The following SDF4 variants were observed in gnomAD, a reference collection of about 807,000 sequenced individuals.
SDF4 encodes the protein stromal cell derived factor 4.
SDF4 carries 22 observed loss-of-function variants against 34.2 expected under a neutral mutation model. The ratio of observed to expected loss-of-function variants is 0.64; its 90% CI spans 0.46 to 0.92. SDF4 has a LOEUF of 0.92. Among genes scored for constraint, SDF4 ranks in the 40% least tolerant of loss-of-function variants. SDF4 has a pLI of 0.00. For missense variants in SDF4, 447 were observed against 499.9 expected, an observed-to-expected ratio of 0.89 and a Z score of 1.01; for synonymous variants, 236 against 203.1, an observed-to-expected ratio of 1.16 and a Z score of -1.38.
chr1:1,219,917 C>G (rs1370875402), intron 4 of SDF4: 7 of 967,854 alleles, frequency 7.2e-6, no homozygotes, highest in African/African-American at 3.9e-5. Context: ...CATCTTATCC[C>G]TTTCTGAACA....
At position 1,217,410 on chromosome 1, in the gene SDF4, C is replaced by A; in HGVS notation, c.*102G>T. On this transcript the variant is annotated 3_prime_UTR_variant, in exon 7 of 7. Coordinates refer to ENST00000360001, the MANE Select transcript of SDF4 (RefSeq NM_016176.6). This position sits in a 1 kb window ranked among gnomAD's most constrained non-coding sequence, Gnocchi z 8.5. ...CCGCGGTCGGTCGGCCGGTGGCGGGCGGCAGGGAAGAGGTGGGGTCCGGGA... is the reference window on the plus strand; with the variant it reads ...CCGCGGTCGGTCGGCCGGTGGCGGGAGGCAGGGAAGAGGTGGGGTCCGGGA... 1 of 1,051,556 alleles carries A rather than the reference C, an allele frequency of 9.5e-7. No individual in the cohort carries two copies. Among genetic ancestry groups the A allele is most frequent in the Non-Finnish European group, 1.2e-6 (1 of 814,520 alleles). The allele number at this position is 1,051,556 out of a possible 1,614,324, so 65.1% of individuals were successfully genotyped here. A position where few individuals can be genotyped will look rare whatever the true frequency, so the allele number is the denominator to read the frequency against.
rs1380132669 is a variant in SDF4 at position 1,217,836 on chromosome 1, T to C, written c.892-148A>G. ...GGTTCCCGAAGGGAGGCGGCACAAA[T>C]GAAAACACAGGGCAGGGAGAAGCCG... On this transcript the variant is annotated intron_variant, in intron 6 of 6. Transcript: ENST00000360001. The surrounding 1 kb of genome is among the most constrained non-coding windows in gnomAD (Gnocchi z 8.5). 2.0e-6 allele frequency: 3 copies of C among 1,536,866 alleles called. No homozygotes were observed. The highest frequency in any genetic ancestry group is 2.6e-6 in the Non-Finnish European group (3 of 1,146,892).
chr1:1,223,294 T>G lies in SDF4; in HGVS notation c.506A>C (p.Glu169Ala). Reference protein sequence around the residue: ...FLASKGHSEKEVADAIRLNEE... With the variant: ...FLASKGHSEKAVADAIRLNEE... ...GTTGAGCCTGATGGCGTCGGCAACC[T>G]CCTTCTCGCTATGGCCTTTACTCGC... Residue 169 changes from glutamate to alanine, a missense_variant, in exon 4 of 7, where the codon GAG becomes GCG. Coordinates refer to ENST00000360001, the MANE Select transcript of SDF4 (RefSeq NM_016176.6). 1 of 1,614,080 alleles carries G rather than the reference T, an allele frequency of 6.2e-7. No homozygotes were observed. The highest frequency in any genetic ancestry group is 8.5e-7 in the Non-Finnish European group (1 of 1,179,994).
Position 1,228,481 on chromosome 1 carries a change from C to G in SDF4, c.292G>C (p.Val98Leu), listed in dbSNP as rs773888314. 8 of 1,604,808 alleles carry G rather than the reference C, an allele frequency of 5.0e-6. No individual in the cohort carries two copies. Among genetic ancestry groups the G allele is most frequent in the Non-Finnish European group, 6.8e-6 (8 of 1,174,278 alleles). The change falls in exon 2 of 7, where the codon GTC becomes CTC. Residue 98 changes from valine to leucine, a missense_variant. Physicochemically the swap from Val to Leu is conservative, Grantham distance 32. Transcript: ENST00000360001. ...EPRRSRRKLM[V>L]IFSKVDVNTD... ...GGCGGCACCTACTTGGAAAAGATGACCATCAGCTTCCTCCGGCTCCGCCGC... is the reference window on the plus strand; with the variant it reads ...GGCGGCACCTACTTGGAAAAGATGAGCATCAGCTTCCTCCGGCTCCGCCGC...
rs374754529 is a variant in SDF4 at position 1,228,761 on chromosome 1, C to T, written c.12G>A (p.Arg4=). MAS[R]WGPLIGLAPC... ...GAGCCAGGCCAATGAGGGGACCCCA[C>T]CTGGACGCCATCGCCACCCAGGGCC... Residue 4 remains arginine (R), a synonymous_variant, in exon 2 of 7, where the codon AGG becomes AGA. Transcript: ENST00000360001. The T allele has an allele frequency of 1.2e-6, 2 of 1,609,522 alleles. No homozygotes were observed. Among genetic ancestry groups the T allele is most frequent in the Non-Finnish European group, 8.5e-7 (1 of 1,179,220 alleles).
At chr1:1,223,144 ACT>A (rs769236404) in intron 4 of SDF4, 98 bp downstream of exon 4, 42 of 838,588 alleles carry the variant, frequency 5.0e-5, no homozygotes, top group Non-Finnish European at 7.7e-5. Flanking sequence ...CGCACGGCAC[ACT>A]CATACACGAC....
chr1:1,217,693 G>C lies in SDF4; in HGVS notation c.892-5C>G, dbSNP rs199825378. ...GTTCATGGGGTCCATGTAGCTCTGC[G>C]GGCGAGCGGGGCACAGGTCAGCGTC... is the stretch of plus-strand genomic sequence containing the variant. On this transcript the variant is annotated splice_polypyrimidine_tract_variant and splice_region_variant and intron_variant, in intron 6 of 6. Transcript: ENST00000360001. The surrounding 1 kb of genome is among the most constrained non-coding windows in gnomAD (Gnocchi z 8.5). 6.2e-7 allele frequency: 1 copy of C among 1,613,602 alleles called. No individual in the cohort carries two copies.
At chr1:1,220,139 C>T (rs1649837965) in intron 4 of SDF4, 1 of 987,718 alleles carries the variant, frequency 1.0e-6, no homozygotes, top group South Asian at 4.6e-5. Flanking sequence ...GCCGCCGAGC[C>T]CCAGCACCAA....
intron 3 of SDF4, 132 bp downstream of exon 3, chr1:1,223,700 G>A (rs1301538192): frequency 9.2e-6 from 8 of 865,692 alleles, no homozygotes; most frequent in African/African-American, 3.4e-5. Flanking sequence ...ACCACACCTC[G>A]GGGTCTCCGG....
At chr1:1,219,064 CG>C in intron 4 of SDF4, 137 bp from the exon 5 acceptor site, 2 of 1,572,856 alleles carry the variant, frequency 1.3e-6, no homozygotes, top group South Asian at 2.3e-5. Context: ...AGGATTCACA[CG>C]TCCCCAGAAC....
chr1:1,222,108 C>T (rs1649999829), intron 4 of SDF4, among the ~76,000 whole-genome samples: 1 of 152,250 alleles, frequency 6.6e-6, no homozygotes, highest in Non-Finnish European at 1.5e-5. Flanking sequence ...ACACGGGCGC[C>T]CTGCAGGGCA....
intron 1 of SDF4, among the ~76,000 whole-genome samples, chr1:1,230,669 G>A (rs1012168091): frequency 1.3e-5 from 2 of 152,140 alleles, no homozygotes; most frequent in African/African-American, 4.8e-5. Context: ...ATGTTGGCCA[G>A]GCTGGTCTCT....
Position 1,218,821 on chromosome 1 carries a change from C to G in SDF4, c.663G>C (p.Glu221Asp). 6.2e-7 allele frequency: 1 copy of G among 1,605,888 alleles called. No homozygotes were observed. Among genetic ancestry groups the G allele is most frequent in the Non-Finnish European group, 8.5e-7 (1 of 1,174,428 alleles). Residue 221 changes from glutamate to aspartate, a missense_variant, in exon 5 of 7, where the codon GAG becomes GAC. Coordinates refer to ENST00000360001, the MANE Select transcript of SDF4 (RefSeq NM_016176.6). The surrounding 1 kb of genome is among the most constrained non-coding windows in gnomAD (Gnocchi z 7.9). ...EEEFLSFLHP[E>D]HSRGMLRFMV... ...TGAACCTGAGCATTCCCCGGCTGTG[C>G]TCGGGGTGGAGGAACGACAGGAACT...
At chr1:1,229,030 C>T (rs1433917271) in intron 1 of SDF4, 84 bp from the exon 2 acceptor site, 6 of 555,936 alleles carry the variant, frequency 1.1e-5, no homozygotes, top group Non-Finnish European at 1.9e-5. Flanking sequence ...GAAACATATC[C>T]TCGATTCACA....
chr1:1,228,764 G>A lies in SDF4; in HGVS notation c.9C>T (p.Ser3=). Residue 3 remains serine, a synonymous_variant, in exon 2 of 7, where the codon TCC becomes TCT. Coordinates refer to ENST00000360001, the MANE Select transcript of SDF4 (RefSeq NM_016176.6). MA[S]RWGPLIGLAP... is the part of the protein sequence containing the mutation. ...CCAGGCCAATGAGGGGACCCCACCT[G>A]GACGCCATCGCCACCCAGGGCCAGA... 1.2e-6 allele frequency: 2 copies of A among 1,607,752 alleles called. No individual in the cohort carries two copies. Among genetic ancestry groups the A allele is most frequent in the Non-Finnish European group, 1.7e-6 (2 of 1,178,676 alleles).
chr1:1,218,304 G>A lies in SDF4; in HGVS notation c.891+154C>T, dbSNP rs905245087. Among the ~76,000 whole-genome samples the A allele has an allele frequency of 7.2e-5, 11 of 152,270 alleles. No homozygotes were observed. The highest frequency in any genetic ancestry group is 3.4e-3 in the Middle Eastern group (1 of 294). ...GCCAACAACGGCCATGCAGCCTGGT[G>A]GACACCGCTGAGCAAACGCCCCAGT... On this transcript the variant is annotated intron_variant, in intron 6 of 6. Coordinates refer to ENST00000360001, the MANE Select transcript of SDF4 (RefSeq NM_016176.6). This position sits in a 1 kb window ranked among gnomAD's most constrained non-coding sequence, Gnocchi z 7.9.
rs1044071774 is a variant in SDF4, at chr1:1,217,581, G to T, written c.999C>A (p.Leu333=). 6.2e-7 allele frequency: 1 copy of T among 1,613,508 alleles called. No individual in the cohort carries two copies. Among genetic ancestry groups the T allele is most frequent in the Non-Finnish European group, 8.5e-7 (1 of 1,179,928 alleles). Residue 333 remains leucine, a synonymous_variant, in exon 7 of 7, where the codon CTC becomes CTA. Coordinates refer to ENST00000360001, the MANE Select transcript of SDF4 (RefSeq NM_016176.6). The surrounding 1 kb of genome is among the most constrained non-coding windows in gnomAD (Gnocchi z 8.5). ...QNHHLEPEEV[L]KYSEFFTGSK... ...TGCCCGTGAAGAACTCGCTGTACTT[G>T]AGCACCTCCTCGGGCTCCAGGTGGT...
intron 3 of SDF4, 22 bp from the exon 4 acceptor site, chr1:1,223,379 G>C: frequency 6.6e-7 from 1 of 1,511,372 alleles, no homozygotes. Flanking sequence ...GATCACACCT[G>C]TCAGGGCCTC....
chr1:1,219,205 C>A (rs541853803), intron 4 of SDF4: 80 of 1,257,236 alleles, frequency 6.4e-5, no homozygotes, highest in South Asian at 4.6e-4. Context: ...CAGCCTGGAC[C>A]CCCCCCTGCC....
Sources: gnomAD v4.1 joint callset for allele counts (sites outside exome capture counted in the v4.1 genomes callset) on GRCh38, gnomAD v4.1.1 for gene constraint, Gnocchi (gnomAD v3.1) non-coding constraint, MANE v1.5 for transcripts, NCBI Gene and HGNC (gene_info 2026-07-23, HGNC 2026-07-21) for gene names.